MDFI: variants seen among roughly 807,000 people sequenced by gnomAD.
The protein encoded by MDFI is MyoD family inhibitor.
Under a neutral mutation model 22.3 loss-of-function variants are expected in MDFI, and 16 were observed. The ratio of observed to expected loss-of-function variants is 0.72; its 90% CI spans 0.49 to 1.09. MDFI has a LOEUF of 1.09. Among genes scored for constraint, MDFI ranks in the 50% least tolerant of loss-of-function variants. The pLI, the probability that MDFI is intolerant of heterozygous loss-of-function variation, is 0.00. For synonymous variants in MDFI, 145 were observed against 142.7 expected, an observed-to-expected ratio of 1.02 and a Z score of -0.12; for missense variants, 314 against 326.1, an observed-to-expected ratio of 0.96 and a Z score of 0.29.
intron 2 of MDFI, among the ~76,000 whole-genome samples, chr6:41,645,908 A>G (rs1282413227): frequency 1.3e-5 from 2 of 152,000 alleles, no homozygotes; most frequent in African/African-American, 4.8e-5. Context: ...CACACACTCA[A>G]ATGCATGCAC....
At chr6:41,646,916 T>G (rs1768073532) in intron 3 of MDFI, among the ~76,000 whole-genome samples, 2 of 152,202 alleles carry the variant, frequency 1.3e-5, no homozygotes, top group Admixed American at 1.3e-4. Flanking sequence ...CTAATCAGCC[T>G]GCAATGAGGC....
chr6:41,650,813 AT>A (rs1768242642), intron 4 of MDFI, among the ~76,000 whole-genome samples: 1 of 151,430 alleles, frequency 6.6e-6, no homozygotes, highest in South Asian at 2.1e-4. Flanking sequence ...ACCTCAGGTG[AT>A]CCACCCGCCT....
intron 4 of MDFI, among the ~76,000 whole-genome samples, chr6:41,651,854 A>G (rs1343587841): frequency 6.6e-6 from 1 of 152,190 alleles, no homozygotes; most frequent in African/African-American, 2.4e-5. Flanking sequence ...TCCCAGCTCC[A>G]CCACCTCCCA....
intron 2 of MDFI, among the ~76,000 whole-genome samples, chr6:41,644,902 C>T (rs1197379439): frequency 6.6e-6 from 1 of 151,912 alleles, no homozygotes; most frequent in Admixed American, 6.5e-5. Context: ...TCATCATCTC[C>T]CTGTCTGCCC....
In MDFI at chr6:41,638,884, A is replaced by T; in HGVS notation, c.76+59A>T. The T allele has an allele frequency of 6.7e-7, 1 of 1,482,294 alleles. No homozygotes were observed. Among genetic ancestry groups the T allele is most frequent in the Non-Finnish European group, 9.0e-7 (1 of 1,107,828 alleles). 91.8% of individuals were successfully genotyped at this position (1,482,294 alleles called of 1,614,324 possible). On this transcript the variant is annotated intron_variant, in intron 2 of 4. Coordinates refer to ENST00000230321, the MANE Select transcript of MDFI (RefSeq NM_005586.4). This position sits in a 1 kb window ranked among gnomAD's most constrained non-coding sequence, Gnocchi z 7.6. ...GGGCGGGTGGGCGGCTGAAGGGGCCAGTTATTAGTTCTCCTCTCCGTCCCC... is the reference window on the plus strand; with the variant it reads ...GGGCGGGTGGGCGGCTGAAGGGGCCTGTTATTAGTTCTCCTCTCCGTCCCC...
In MDFI at chr6:41,651,080, G is replaced by T. The variant is rs185889377; in HGVS notation, c.484+1237G>T. Reference sequence around the variant, plus strand: ...AAATTAGCCAGGCGTGGCGGTGGGCGCCTGTAATCCCAGCTACTCCGGAGG... The same window carrying T: ...AAATTAGCCAGGCGTGGCGGTGGGCTCCTGTAATCCCAGCTACTCCGGAGG... On this transcript the variant is annotated intron_variant, in intron 4 of 4. Transcript: ENST00000230321. Among the ~76,000 whole-genome samples the T allele has an allele frequency of 4.0e-4, 60 of 151,788 alleles. 2 individuals are homozygous for T. Among genetic ancestry groups the T allele is most frequent in the African/African-American group, 1.5e-3 (60 of 41,300 alleles).
intron 2 of MDFI, among the ~76,000 whole-genome samples, chr6:41,644,178 T>C (rs1235042555): frequency 6.6e-6 from 1 of 152,170 alleles, no homozygotes; most frequent in Non-Finnish European, 1.5e-5. Flanking sequence ...CCAAATCCTC[T>C]GATCGTCCAA....
Position 41,653,062 on chromosome 6 carries a change from G to C in MDFI, c.485-257G>C, listed in dbSNP as rs1768336852. Among the ~76,000 whole-genome samples, 1 of 152,170 alleles carries C rather than the reference G, an allele frequency of 6.6e-6. No individual in the cohort carries two copies. The stretch of plus-strand genomic sequence containing the variant: ...AGAACATGTATCACTCCATATGTTG[G>C]TTAAACAAATAAACAGAGGGTGGCT... On this transcript the variant is annotated intron_variant, in intron 4 of 4. Coordinates refer to ENST00000230321, the MANE Select transcript of MDFI (RefSeq NM_005586.4). This position sits in a 1 kb window ranked among gnomAD's most constrained non-coding sequence, Gnocchi z 4.2.
chr6:41,643,538 G>GA (rs1767927589), intron 2 of MDFI, among the ~76,000 whole-genome samples: 1 of 113,920 alleles, frequency 8.8e-6, no homozygotes, highest in African/African-American at 3.6e-5. Context: ...AGGAGGGAAG[G>GA]AGGGAAGGAG....
At chr6:41,637,514 C>A (rs1767682405), upstream of MDFI, among the ~76,000 whole-genome samples, 3 of 152,070 alleles carry the variant, frequency 2.0e-5, no homozygotes, top group South Asian at 6.2e-4. This position sits in a 1 kb window ranked among gnomAD's most constrained non-coding sequence, Gnocchi z 6.8. Context: ...GGCTGCCCCA[C>A]CTGAGCATCA....
chr6:41,653,425 G>A lies in MDFI; in HGVS notation c.591G>A (p.Ser197=), dbSNP rs148388056. The part of the protein sequence containing the change: ...ATCGSCSSED[S]CLCCCCCGSG... ...GTGGCTCCTGCAGCTCGGAGGACTC[G>A]TGCCTCTGCTGCTGCTGCTGTGGCT... Residue 197 remains serine, a synonymous_variant, in exon 5 of 5, where the codon TCG becomes TCA. Coordinates refer to ENST00000230321, the MANE Select transcript of MDFI (RefSeq NM_005586.4). The surrounding 1 kb of genome is among the most constrained non-coding windows in gnomAD (Gnocchi z 4.2). 3.8e-4 allele frequency: 606 copies of A among 1,608,132 alleles called. No homozygotes were observed. The highest frequency in any genetic ancestry group is 4.8e-4 in the Non-Finnish European group (571 of 1,179,980).
chr6:41,638,661 A>G lies in MDFI; in HGVS notation c.-12+9A>G. 5.8e-6 allele frequency: 8 copies of G among 1,381,398 alleles called. No individual in the cohort carries two copies. The highest frequency in any genetic ancestry group is 7.9e-6 in the Non-Finnish European group (8 of 1,011,172). The allele number at this position is 1,381,398 out of a possible 1,614,324, so 85.6% of individuals were successfully genotyped here. A position where few individuals can be genotyped will look rare whatever the true frequency, so the allele number is the denominator to read the frequency against. On this transcript the variant is annotated intron_variant, in intron 1 of 4. Coordinates refer to ENST00000230321, the MANE Select transcript of MDFI (RefSeq NM_005586.4). The surrounding 1 kb of genome is among the most constrained non-coding windows in gnomAD (Gnocchi z 7.6). ...TAGCACGGCTCGCACGAGTGAGTGG[A>G]CGTGGGAGGCGCGCATCTGCGGGGG...
chr6:41,642,793 A>G (rs1767898212), intron 2 of MDFI, among the ~76,000 whole-genome samples: 4 of 151,968 alleles, frequency 2.6e-5, no homozygotes, highest in Admixed American at 2.6e-4. Context: ...TTTCTGTGGG[A>G]TGGGCCTCCT....
chr6:41,643,524 AGGAAGGAGGGAAGGAG>A (rs757966716), intron 2 of MDFI, among the ~76,000 whole-genome samples: 1 of 77,508 alleles, frequency 1.3e-5, no homozygotes, highest in Admixed American at 1.3e-4. Context: ...CACACAGCAC[AGGAAGGAGGGAAGGAG>A]GGAAGGAGGG....
In MDFI at chr6:41,643,548, GGGAAGGAA is replaced by G. The variant is rs768210940; in HGVS notation, c.77-2554_77-2547del. 9.4e-3 allele frequency among the ~76,000 whole-genome samples: 706 copies of G among 75,368 alleles called. 4 individuals are homozygous for G. Among genetic ancestry groups the G allele is most frequent in the Non-Finnish European group, 0.015 (578 of 37,656 alleles). 49.4% of individuals were successfully genotyped at this position (75,368 alleles called of 152,430 possible). A position where few individuals can be genotyped will look rare whatever the true frequency, so the allele number is the denominator to read the frequency against. Reference sequence around the variant, plus strand: ...CAGGAAGGAGGGAAGGAGGGAAGGAGGGAAGGAAGGAAGGAAGGAAGGAAGGAAGGAGG... The same window carrying G: ...CAGGAAGGAGGGAAGGAGGGAAGGAGGGAAGGAAGGAAGGAAGGAAGGAGG... On this transcript the variant is annotated intron_variant, in intron 2 of 4. Coordinates refer to ENST00000230321, the MANE Select transcript of MDFI (RefSeq NM_005586.4).
chr6:41,649,944 T>C (rs1768208045), intron 4 of MDFI, 101 bp downstream of exon 4: 2 of 1,008,102 alleles, frequency 2.0e-6, no homozygotes, highest in East Asian at 2.5e-5. Context: ...AGGCTGTTAC[T>C]TAGAGATGCA....
intron 2 of MDFI, among the ~76,000 whole-genome samples, chr6:41,644,544 G>A (rs1216874550): frequency 6.8e-6 from 1 of 147,668 alleles, no homozygotes; most frequent in African/African-American, 2.5e-5. Flanking sequence ...GGTCACTGAG[G>A]GTCATGGCCA....
chr6:41,646,559 C>T (rs78059070), intron 3 of MDFI, among the ~76,000 whole-genome samples: 11,641 of 152,156 alleles, frequency 0.077, 623 homozygotes, highest in Middle Eastern at 0.15. Context: ...AGAGAGCATG[C>T]GGCTACCTGG....
At chr6:41,645,815 C>T (rs569965595) in intron 2 of MDFI, among the ~76,000 whole-genome samples, 2 of 82,392 alleles carry the variant, frequency 2.4e-5, no homozygotes, top group Admixed American at 3.1e-4. Context: ...CGTCTGTTCT[C>T]CCGTGTTGTG....
Sources: gnomAD v4.1 joint callset for allele counts (sites outside exome capture counted in the v4.1 genomes callset) on GRCh38, gnomAD v4.1.1 for gene constraint, Gnocchi (gnomAD v3.1) non-coding constraint, MANE v1.5 for transcripts, NCBI Gene and HGNC (gene_info 2026-07-23, HGNC 2026-07-21) for gene names.